FCGR2A: variants seen among roughly 807,000 people sequenced by gnomAD.
The protein encoded by FCGR2A is Fc gamma receptor IIa, also known as low affinity immunoglobulin gamma Fc region receptor II-a.
A neutral mutation model predicts 29.3 loss-of-function variants in FCGR2A; 18 were observed. That is an observed-to-expected ratio of 0.62 (90% CI 0.43 to 0.91). The LOEUF (loss-of-function observed/expected upper bound fraction) is 0.91, where lower values mean the gene tolerates loss of function less well. FCGR2A is among the 40% of genes least tolerant of loss of function. The probability of loss-of-function intolerance (pLI) is 0.00; values close to 1 mark genes in which losing one functional copy is unlikely to be tolerated. For synonymous variants in FCGR2A, 126 were observed against 144.8 expected, an observed-to-expected ratio of 0.87 and a Z score of 0.93; for missense variants, 287 against 393.0, an observed-to-expected ratio of 0.73 and a Z score of 2.28.
At chr1:161,506,635 C>T (rs56081655) in intron 3 of FCGR2A, 44 bp downstream of exon 3, 189 of 1,610,474 alleles carry the variant, frequency 1.2e-4, no homozygotes, top group Middle Eastern at 4.9e-4. Flanking sequence ...AGGGCCAGGA[C>T]GGATGAAATC....
intron 5 of FCGR2A, among the ~76,000 whole-genome samples, chr1:161,512,088 G>A (rs28719914): frequency 5.9e-5 from 9 of 151,814 alleles, no homozygotes; most frequent in South Asian, 2.1e-4. Context: ...CAGGAATCTG[G>A]TGATATTTCC....
intron 6 of FCGR2A, among the ~76,000 whole-genome samples, chr1:161,515,898 C>T (rs558090521): frequency 1.3e-5 from 2 of 152,282 alleles, no homozygotes; most frequent in East Asian, 3.9e-4. Flanking sequence ...ATTCTACCTC[C>T]AGATGGTATT....
chr1:161,521,509 A>ATATATG (rs1676448781), downstream of FCGR2A, among the ~76,000 whole-genome samples: 1 of 151,366 alleles, frequency 6.6e-6, no homozygotes, highest in Admixed American at 6.6e-5. Flanking sequence ...TTTTATATAT[A>ATATATG]TATAGTTTGG....
At chr1:161,516,321 C>T (rs1388528805) in intron 6 of FCGR2A, among the ~76,000 whole-genome samples, 14 of 152,004 alleles carry the variant, frequency 9.2e-5, no homozygotes. Context: ...AATTTGGAAA[C>T]TCTTATTAAG....
chr1:161,516,327 T>G (rs1676142158), intron 6 of FCGR2A, among the ~76,000 whole-genome samples: 1 of 152,104 alleles, frequency 6.6e-6, no homozygotes, highest in Admixed American at 6.6e-5. Context: ...GAAACTCTTA[T>G]TAAGTATTTT....
chr1:161,518,560 A>T lies in FCGR2A; in HGVS notation c.*412A>T, dbSNP rs1186443339. 9 of 195,230 alleles carry T rather than the reference A, an allele frequency of 4.6e-5. No individual in the cohort carries two copies. The South Asian group carries it at 8.2e-4, about 18-fold the overall frequency. The allele number at this position is 195,230 out of a possible 1,614,324, so 12.1% of individuals were successfully genotyped here. A position where few individuals can be genotyped will look rare whatever the true frequency, so the allele number is the denominator to read the frequency against. On this transcript the variant is annotated 3_prime_UTR_variant, in exon 7 of 7. Coordinates refer to ENST00000271450, the MANE Select transcript of FCGR2A (RefSeq NM_001136219.3). ...TTCCCAATAAATACTTGCCTGTGAC[A>T]TTTTGCCACTGGAACACTAAACTTC... is the stretch of plus-strand genomic sequence containing the variant.
chr1:161,514,993 G>T (rs1197504576), intron 6 of FCGR2A: 1 of 152,208 alleles, frequency 6.6e-6, no homozygotes, highest in African/African-American at 2.4e-5. Context: ...CAGAACCTGT[G>T]ACTTTCTAGA....
At position 161,510,049 on chromosome 1, in the gene FCGR2A, C is replaced by T; in HGVS notation, c.594C>T (p.Ser198=). The T allele has an allele frequency of 6.2e-7, 1 of 1,613,934 alleles. No homozygotes were observed. Among genetic ancestry groups the T allele is most frequent in the East Asian group, 2.2e-5 (1 of 44,886 alleles). The stretch of plus-strand genomic sequence containing the variant: ...ACATAGGCTACACGCTGTTCTCATC[C>T]AAGCCTGTGACCATCACTGTCCAAG... The part of the protein sequence containing the change: ...TGNIGYTLFS[S]KPVTITVQVP... Residue 198 remains serine, a synonymous_variant, in exon 4 of 7, where the codon TCC becomes TCT. Transcript: ENST00000271450.
downstream of FCGR2A, among the ~76,000 whole-genome samples, chr1:161,522,517 A>C (rs1676494002): frequency 6.6e-6 from 1 of 151,974 alleles, no homozygotes; most frequent in Admixed American, 6.6e-5. Flanking sequence ...GCCCCTTAAC[A>C]CGCCGGGGCA....
intron 3 of FCGR2A, among the ~76,000 whole-genome samples, chr1:161,508,378 C>T (rs1424953958): frequency 4.0e-5 from 6 of 150,482 alleles, no homozygotes; most frequent in South Asian, 4.2e-4. Flanking sequence ...CACTTGAGGT[C>T]GGGAGTTCGA....
At chr1:161,506,155 C>T (rs1675375807) in intron 2 of FCGR2A, 148 bp downstream of exon 2, 11 of 1,243,018 alleles carry the variant, frequency 8.8e-6, no homozygotes, top group Non-Finnish European at 1.3e-5. Flanking sequence ...TTAGTGGGGT[C>T]TGGGATTTGC....
At chr1:161,521,059 C>T (rs1458855143), downstream of FCGR2A, among the ~76,000 whole-genome samples, 2 of 150,092 alleles carry the variant, frequency 1.3e-5, no homozygotes, top group Admixed American at 6.6e-5. Context: ...GGTCTTTACT[C>T]ACATGTCACC....
At chr1:161,510,771 G>A in intron 4 of FCGR2A, 63 bp from the exon 5 acceptor site, 1 of 1,596,650 alleles carries the variant, frequency 6.3e-7, no homozygotes, top group East Asian at 2.2e-5. Context: ...GGGACAGGGA[G>A]AATACAAACG....
At chr1:161,512,476 T>A (rs562142664) in intron 5 of FCGR2A, among the ~76,000 whole-genome samples, 1 of 149,164 alleles carries the variant, frequency 6.7e-6, no homozygotes, top group African/African-American at 2.4e-5. Context: ...AGCAAGTCAG[T>A]CTCCCTGATG....
chr1:161,507,596 A>C (rs1211209262), intron 3 of FCGR2A, among the ~76,000 whole-genome samples: 2 of 152,182 alleles, frequency 1.3e-5, no homozygotes, highest in African/African-American at 4.8e-5. Flanking sequence ...GTGGTCCTTT[A>C]AGGCTGCTGC....
chr1:161,511,850 A>G (rs2102473022), intron 5 of FCGR2A, among the ~76,000 whole-genome samples: 1 of 152,328 alleles, frequency 6.6e-6, no homozygotes, highest in South Asian at 2.1e-4. Context: ...TCAGGGATTC[A>G]GTGATGGCTC....
At chr1:161,506,677 G>C (rs1238702499) in intron 3 of FCGR2A, 86 bp downstream of exon 3, 1 of 1,582,402 alleles carries the variant, frequency 6.3e-7, no homozygotes, top group East Asian at 2.3e-5. Context: ...AGGAAAGAGT[G>C]GGCGTGGACT....
chr1:161,505,600 G>A (rs902891805), intron 1 of FCGR2A, 48 bp downstream of exon 1: 1 of 1,432,410 alleles, frequency 7.0e-7, no homozygotes, highest in East Asian at 2.3e-5. Context: ...CACTCCTACT[G>A]CCTGGACTCC....
At chr1:161,506,650 T>C in intron 3 of FCGR2A, 59 bp downstream of exon 3, 1 of 1,606,212 alleles carries the variant, frequency 6.2e-7, no homozygotes, top group Non-Finnish European at 8.5e-7. Context: ...GAAATCTGTT[T>C]ACAGACAGAG....
Sources: allele counts gnomAD v4.1 joint callset (sites outside exome capture counted in the v4.1 genomes callset), GRCh38; gene constraint gnomAD v4.1.1; transcripts MANE v1.5; gene names NCBI Gene and HGNC (gene_info 2026-07-23, HGNC 2026-07-21).